Variants in FARP1 observed in about 807,000 individuals in gnomAD.
FARP1 encodes the protein FERM, ARH/RhoGEF and pleckstrin domain protein 1, also known as FERM, ARHGEF and pleckstrin domain-containing protein 1.
In FARP1, 52 loss-of-function variants were observed where a neutral mutation model predicts 128.8. The observed-to-expected ratio is 0.40, with a 90% CI of 0.32 to 0.51. The LOEUF is 0.51. Among genes scored for constraint, FARP1 ranks in the 20% least tolerant of loss-of-function variants. The pLI, the probability that FARP1 is intolerant of heterozygous loss-of-function variation, is 0.45. For synonymous variants in FARP1, 580 were observed against 551.8 expected, an observed-to-expected ratio of 1.05 and a Z score of -0.72; for missense variants, 1,333 against 1,367.9, an observed-to-expected ratio of 0.97 and a Z score of 0.40.
chr13:98,385,990 C>G lies in FARP1; in HGVS notation c.759+176C>G, dbSNP rs1161928341. ...TTCCCAGGCCCTCAGCTCCCAGATT[C>G]TATTTCACTTACCTTTGCCCTGTTT... On this transcript the variant is annotated intron_variant, in intron 8 of 26. Coordinates refer to ENST00000319562, the MANE Select transcript of FARP1 (RefSeq NM_005766.4). 7 of 622,874 alleles carry G rather than the reference C, an allele frequency of 1.1e-5. No individual in the cohort carries two copies. In the East Asian group the frequency reaches 1.7e-4, roughly 15 times the overall value. The allele number at this position is 622,874 out of a possible 1,614,324, so 38.6% of individuals were successfully genotyped here.
intron 1 of FARP1, among the ~76,000 whole-genome samples, chr13:98,201,104 A>G (rs1879913927): frequency 6.6e-6 from 1 of 152,134 alleles, no homozygotes; most frequent in Non-Finnish European, 1.5e-5. Context: ...TCCCTGCTGT[A>G]TTTTTGTACC....
intron 1 of FARP1, among the ~76,000 whole-genome samples, chr13:98,162,569 A>G (rs1023872850): frequency 6.6e-6 from 1 of 152,148 alleles, no homozygotes; most frequent in Non-Finnish European, 1.5e-5. Flanking sequence ...TTTGGCCCCC[A>G]TGGTCTGTAA....
intron 2 of FARP1, chr13:98,332,348 C>A (rs1351391030): frequency 6.6e-6 from 1 of 151,604 alleles, no homozygotes; most frequent in Non-Finnish European, 1.5e-5. Context: ...CCATATTAAT[C>A]TGAGCTTTCC....
intron 17 of FARP1, among the ~76,000 whole-genome samples, chr13:98,425,070 A>G (rs1287444886): frequency 2.0e-5 from 3 of 152,078 alleles, no homozygotes; most frequent in Non-Finnish European, 4.4e-5. Flanking sequence ...CAACCTTTCT[A>G]GATAATTTTA....
At chr13:98,282,597 G>T (rs1884983456) in intron 2 of FARP1, among the ~76,000 whole-genome samples, 1 of 152,134 alleles carries the variant, frequency 6.6e-6, no homozygotes, top group African/African-American at 2.4e-5. Flanking sequence ...AGGATTAAAA[G>T]ATTTGACCTT....
chr13:98,228,750 C>A (rs1881939605), intron 2 of FARP1, among the ~76,000 whole-genome samples: 1 of 152,044 alleles, frequency 6.6e-6, no homozygotes, highest in African/African-American at 2.4e-5. Flanking sequence ...CTGCAGATTA[C>A]CTAATTCTAA....
At chr13:98,325,110 G>A (rs1467953349) in intron 2 of FARP1, among the ~76,000 whole-genome samples, 3 of 152,222 alleles carry the variant, frequency 2.0e-5, no homozygotes, top group Non-Finnish European at 4.4e-5. Flanking sequence ...AGACTGACTG[G>A]TAAGTAGTCC....
rs1349920287 is a variant in FARP1 at position 98,411,775 on chromosome 13, C to G, written c.1693-126C>G. ...CGGGCAGCCCCGTGTTCCTGAAATG[C>G]CAAGAACCTCGCAGGAAAGCCCTGG... On this transcript the variant is annotated intron_variant, in intron 15 of 26. Coordinates refer to ENST00000319562, the MANE Select transcript of FARP1 (RefSeq NM_005766.4). 42 of 1,020,282 alleles carry G rather than the reference C, an allele frequency of 4.1e-5. No homozygotes were observed. In the South Asian group the frequency reaches 5.9e-4, roughly 14 times the overall value. The allele number at this position is 1,020,282 out of a possible 1,614,324, so 63.2% of individuals were successfully genotyped here.
At chr13:98,259,825 G>A (rs1256444862) in intron 2 of FARP1, among the ~76,000 whole-genome samples, 1 of 150,364 alleles carries the variant, frequency 6.7e-6, no homozygotes, top group Non-Finnish European at 1.5e-5. Flanking sequence ...TGAAGGGAAG[G>A]TGGCCTGTAG....
chr13:98,189,262 C>CT (rs11440978), intron 1 of FARP1, among the ~76,000 whole-genome samples: 51,984 of 143,642 alleles, frequency 0.36, 9,993 homozygotes, highest in Non-Finnish European at 0.45. Context: ...GAAATGAGTA[C>CT]TTTTTTTTTT....
intron 1 of FARP1, among the ~76,000 whole-genome samples, chr13:98,211,748 T>A (rs1267633261): frequency 6.6e-6 from 1 of 152,216 alleles, no homozygotes; most frequent in East Asian, 1.9e-4. Flanking sequence ...TCCCTCTCTT[T>A]TAACCACTTC....
intron 13 of FARP1, chr13:98,396,069 G>A (rs1188700793): frequency 1.0e-5 from 4 of 399,006 alleles, no homozygotes. Context: ...GATGTAATAA[G>A]TCAGAGACAG....
chr13:98,198,616 C>G (rs1447583158), intron 1 of FARP1, among the ~76,000 whole-genome samples: 1 of 151,950 alleles, frequency 6.6e-6, no homozygotes, highest in East Asian at 1.9e-4. Context: ...GTGGGCCATG[C>G]CTGTAATCCC....
chr13:98,227,501 A>G (rs1484286842), intron 2 of FARP1, among the ~76,000 whole-genome samples: 1 of 152,102 alleles, frequency 6.6e-6, no homozygotes, highest in Non-Finnish European at 1.5e-5. Context: ...ATATGGAGAA[A>G]TTGGTACTCT....
intron 2 of FARP1, among the ~76,000 whole-genome samples, chr13:98,278,069 G>GTCAAAATCTGGCGATCTGTTATTTAACA (rs1277742853): frequency 4.6e-5 from 7 of 151,460 alleles, no homozygotes; most frequent in African/African-American, 1.2e-4. Flanking sequence ...GTTTTAAATG[G>GTCAAAATCTGGCGATCTGTTATTTAACA]AGCTTAAGGG....
chr13:98,410,889 C>T (rs546578578), intron 15 of FARP1, 66 bp downstream of exon 15: 37 of 784,548 alleles, frequency 4.7e-5, no homozygotes, highest in Admixed American at 2.9e-4. Context: ...CTCAGCTATA[C>T]GGGGAGGCTG....
intron 2 of FARP1, among the ~76,000 whole-genome samples, chr13:98,215,243 G>A (rs1027834130): frequency 6.6e-6 from 1 of 152,158 alleles, no homozygotes; most frequent in African/African-American, 2.4e-5. Context: ...GATGGCTTAT[G>A]CTTTGCATTT....
intron 2 of FARP1, among the ~76,000 whole-genome samples, chr13:98,224,554 A>AG (rs1327323630): frequency 6.7e-6 from 1 of 149,752 alleles, no homozygotes; most frequent in African/African-American, 2.4e-5. Flanking sequence ...AAGAAAAAAA[A>AG]AAAGAAAACA....
chr13:98,446,026 G>A, intron 24 of FARP1, 72 bp from the exon 25 acceptor site: 1 of 1,028,556 alleles, frequency 9.7e-7, no homozygotes, highest in Non-Finnish European at 1.5e-6. Flanking sequence ...CCCTGGTGCA[G>A]GGAGAGCTGC....
Sources: allele counts gnomAD v4.1 joint callset (sites outside exome capture counted in the v4.1 genomes callset), GRCh38; gene constraint gnomAD v4.1.1; transcripts MANE v1.5; gene names NCBI Gene and HGNC (gene_info 2026-07-23, HGNC 2026-07-21).